ITPR1: variants seen among roughly 807,000 people sequenced by gnomAD.
ITPR1 encodes the protein inositol 1,4,5-trisphosphate-gated calcium channel ITPR1.
ITPR1 carries 96 observed loss-of-function variants against 318.4 expected under a neutral mutation model. The observed-to-expected ratio is 0.30, with a 90% CI of 0.26 to 0.36. The LOEUF (loss-of-function observed/expected upper bound fraction) is 0.36, where lower values mean the gene tolerates loss of function less well. Ranked by LOEUF, ITPR1 falls within the 10% of genes least tolerant of loss-of-function variation. The pLI, the probability that ITPR1 is intolerant of heterozygous loss-of-function variation, is 1.00. For missense variants in ITPR1, 2,440 were observed against 3,460.2 expected, an observed-to-expected ratio of 0.71 and a Z score of 7.40; for synonymous variants, 1,312 against 1,289.9, an observed-to-expected ratio of 1.02 and a Z score of -0.37.
chr3:4,779,459 G>T lies in ITPR1; in HGVS notation c.6292-91G>T. ...GTGAAATGTTCGTCTGTTTAGCCGG[G>T]ATGCCTCCCATGTGCCAGTTGGCAC... On this transcript the variant is annotated intron_variant, in intron 48 of 61. Coordinates refer to ENST00000649015, the MANE Select transcript of ITPR1 (RefSeq NM_001378452.1). The surrounding 1 kb of genome is among the most constrained non-coding windows in gnomAD (Gnocchi z 4.0). The T allele has an allele frequency of 1.1e-6, 1 of 876,154 alleles. No individual in the cohort carries two copies. Among genetic ancestry groups the T allele is most frequent in the Non-Finnish European group, 1.9e-6 (1 of 515,812 alleles). 54.3% of individuals were successfully genotyped at this position (876,154 alleles called of 1,614,324 possible).
intron 60 of ITPR1, among the ~76,000 whole-genome samples, chr3:4,820,654 A>G (rs946399850): frequency 6.6e-6 from 1 of 152,218 alleles, no homozygotes; most frequent in African/African-American, 2.4e-5. Flanking sequence ...AAACCTAAAA[A>G]TCTTACAGCA....
intron 18 of ITPR1, among the ~76,000 whole-genome samples, chr3:4,668,690 A>G (rs898800763): frequency 6.6e-6 from 1 of 150,424 alleles, no homozygotes; most frequent in African/African-American, 2.4e-5. Context: ...CTGGTCTTGA[A>G]CTCCTGACCT....
chr3:4,582,694 A>G (rs1010727717), intron 4 of ITPR1, among the ~76,000 whole-genome samples: 1 of 152,222 alleles, frequency 6.6e-6, no homozygotes, highest in Non-Finnish European at 1.5e-5. Context: ...CCCTTTGTAT[A>G]CATCTCTTTA....
intron 35 of ITPR1, among the ~76,000 whole-genome samples, chr3:4,700,591 C>T (rs1396830957): frequency 2.6e-5 from 4 of 152,108 alleles, no homozygotes; most frequent in African/African-American, 4.8e-5. Context: ...AGTTTTCATG[C>T]AGGCAGGATG....
At chr3:4,773,967 G>A (rs796648281) in intron 46 of ITPR1, among the ~76,000 whole-genome samples, 4 of 152,324 alleles carry the variant, frequency 2.6e-5, no homozygotes, top group African/African-American at 9.6e-5. Flanking sequence ...ATTTACAAAT[G>A]TTTTAATTAT....
chr3:4,834,628 T>G (rs901758775), intron 60 of ITPR1, among the ~76,000 whole-genome samples: 7 of 152,162 alleles, frequency 4.6e-5, no homozygotes, highest in Admixed American at 3.9e-4. Flanking sequence ...AGTTGCATAG[T>G]CCTTGAACAT....
intron 9 of ITPR1, 44 bp downstream of exon 9, chr3:4,645,514 TG>T (rs775061990): frequency 6.2e-7 from 1 of 1,606,638 alleles, no homozygotes. Flanking sequence ...TGGCTCTTCT[TG>T]GGGGCAGCAG....
chr3:4,781,962 G>A (rs1013229364), intron 49 of ITPR1, among the ~76,000 whole-genome samples: 3 of 152,200 alleles, frequency 2.0e-5, no homozygotes, highest in Non-Finnish European at 4.4e-5. Context: ...CAGCCTGGGT[G>A]ACAGAGCAAG....
At chr3:4,594,651 C>T (rs1418221508) in intron 4 of ITPR1, among the ~76,000 whole-genome samples, 3 of 152,128 alleles carry the variant, frequency 2.0e-5, no homozygotes, top group East Asian at 1.9e-4. Context: ...CAAAAGGATG[C>T]ACCTACCCAT....
At chr3:4,538,730 G>T (rs2084113091) in intron 4 of ITPR1, among the ~76,000 whole-genome samples, 1 of 152,154 alleles carries the variant, frequency 6.6e-6, no homozygotes, top group Admixed American at 6.5e-5. Context: ...AAAGGAACAA[G>T]ATCATGTCCT....
chr3:4,497,490 T>G (rs1263018232), intron 2 of ITPR1, among the ~76,000 whole-genome samples: 4 of 152,074 alleles, frequency 2.6e-5, no homozygotes, highest in African/African-American at 9.7e-5. Flanking sequence ...CCAATATAAA[T>G]AAACAAGTAA....
chr3:4,681,324 G>C, intron 25 of ITPR1, 40 bp from the exon 26 acceptor site: 1 of 1,472,812 alleles, frequency 6.8e-7, no homozygotes, highest in Non-Finnish European at 9.5e-7. Flanking sequence ...CATGTTTGCA[G>C]ACCTTCCTGC....
intron 60 of ITPR1, among the ~76,000 whole-genome samples, chr3:4,819,048 A>G (rs2049502020): frequency 1.3e-5 from 2 of 152,150 alleles, no homozygotes; most frequent in Non-Finnish European, 2.9e-5. Context: ...CCAGTTACCA[A>G]GGACTTGAGT....
chr3:4,798,406 C>T (rs903298803), intron 53 of ITPR1, among the ~76,000 whole-genome samples: 24 of 152,204 alleles, frequency 1.6e-4, no homozygotes, highest in African/African-American at 5.8e-4. Flanking sequence ...CACACCATAC[C>T]ACTGCAAACC....
rs1159582623 is a variant in ITPR1 at position 4,683,377 on chromosome 3, C to T, written c.3162-9C>T. 2 of 1,613,908 alleles carry T rather than the reference C, an allele frequency of 1.2e-6. No homozygotes were observed. The highest frequency in any genetic ancestry group is 1.7e-5 in the Admixed American group (1 of 60,008). ...TCATTTGGCCTTTCCCCACCTTGTG[C>T]TCCTTTAGTGAGGAGAACACCCCAC... On this transcript the variant is annotated splice_polypyrimidine_tract_variant and intron_variant, in intron 26 of 61. Coordinates refer to ENST00000649015, the MANE Select transcript of ITPR1 (RefSeq NM_001378452.1).
intron 29 of ITPR1, 65 bp from the exon 30 acceptor site, chr3:4,685,004 C>A: frequency 6.5e-7 from 1 of 1,534,248 alleles, no homozygotes; most frequent in East Asian, 2.3e-5. Context: ...CCGCCACCAC[C>A]CTCTGCAATC....
At chr3:4,626,184 C>G (rs1468150739) in intron 4 of ITPR1, among the ~76,000 whole-genome samples, 7 of 147,828 alleles carry the variant, frequency 4.7e-5, no homozygotes, top group South Asian at 2.1e-4. Context: ...CCTAAACTTT[C>G]TGTGTGTGTG....
chr3:4,579,636 G>A (rs928584426), intron 4 of ITPR1, among the ~76,000 whole-genome samples: 2 of 152,148 alleles, frequency 1.3e-5, no homozygotes, highest in African/African-American at 4.8e-5. Context: ...AGCCTGTTAC[G>A]GATCTTGCTT....
intron 40 of ITPR1, among the ~76,000 whole-genome samples, chr3:4,724,092 C>G (rs1016353998): frequency 1.3e-5 from 2 of 152,162 alleles, no homozygotes; most frequent in Admixed American, 1.3e-4. Context: ...CTTCCTACCA[C>G]CAGCACTGTC....
Sources: allele counts gnomAD v4.1 joint callset (sites outside exome capture counted in the v4.1 genomes callset), GRCh38; gene constraint gnomAD v4.1.1; non-coding constraint Gnocchi (gnomAD v3.1); transcripts MANE v1.5; gene names NCBI Gene and HGNC (gene_info 2026-07-23, HGNC 2026-07-21).